The following PARL variants were observed in gnomAD, a reference collection of about 807,000 sequenced individuals.
PARL encodes presenilin associated rhomboid like, also known as presenilin-associated rhomboid-like protein, mitochondrial.
A neutral mutation model predicts 51.6 loss-of-function variants in PARL; 44 were observed. The ratio of observed to expected loss-of-function variants is 0.85; its 90% CI spans 0.67 to 1.10. The LOEUF is 1.10. Among genes scored for constraint, PARL ranks in the 50% least tolerant of loss-of-function variants. The pLI, the probability that PARL is intolerant of heterozygous loss-of-function variation, is 0.00. For synonymous variants in PARL, 172 were observed against 164.0 expected, an observed-to-expected ratio of 1.05 and a Z score of -0.37; for missense variants, 441 against 469.5, an observed-to-expected ratio of 0.94 and a Z score of 0.56.
chr3:183,836,080 G>A (rs1728538711), intron 7 of PARL, among the ~76,000 whole-genome samples: 1 of 151,912 alleles, frequency 6.6e-6, no homozygotes, highest in South Asian at 2.1e-4. Context: ...AGCTGGGCAT[G>A]GTCGTGCATG....
intron 1 of PARL, among the ~76,000 whole-genome samples, chr3:183,876,633 A>AG (rs1432475964): frequency 4.1e-5 from 4 of 97,304 alleles, no homozygotes; most frequent in East Asian, 2.8e-4. Flanking sequence ...AAAAAAAAAA[A>AG]AAAAAGAAAA....
chr3:183,846,717 A>G, intron 4 of PARL: 1 of 576,522 alleles, frequency 1.7e-6, no homozygotes, highest in Non-Finnish European at 2.2e-6. Flanking sequence ...CATTAGTAAC[A>G]GACACATCCC....
intron 2 of PARL, among the ~76,000 whole-genome samples, chr3:183,867,341 C>A (rs544451829): frequency 6.6e-6 from 1 of 152,068 alleles, no homozygotes; most frequent in African/African-American, 2.4e-5. Context: ...CCAAACAAGG[C>A]CCATATGTTT....
chr3:183,845,161 C>T (rs1229395679), intron 4 of PARL, among the ~76,000 whole-genome samples: 10 of 152,136 alleles, frequency 6.6e-5, no homozygotes, highest in Non-Finnish European at 1.5e-4. Flanking sequence ...TTCTTCGATG[C>T]CAATAAGGAC....
At chr3:183,858,867 G>A (rs934148617) in intron 4 of PARL, among the ~76,000 whole-genome samples, 8 of 151,704 alleles carry the variant, frequency 5.3e-5, no homozygotes, top group Non-Finnish European at 7.4e-5. Flanking sequence ...AGAGCAATAT[G>A]AAGCCTGGGG....
At chr3:183,839,565 T>G (rs956954673) in intron 7 of PARL, among the ~76,000 whole-genome samples, 1 of 151,810 alleles carries the variant, frequency 6.6e-6, no homozygotes, top group Non-Finnish European at 1.5e-5. Flanking sequence ...ATTACAAGCA[T>G]GCACAACCAC....
chr3:183,862,886 T>C, intron 3 of PARL, 85 bp from the exon 4 acceptor site: 1 of 1,016,606 alleles, frequency 9.8e-7, no homozygotes, highest in Non-Finnish European at 1.6e-6. Flanking sequence ...GCCTCGCACA[T>C]AAGAGGAATT....
At chr3:183,840,235 A>G (rs1175302671) in intron 7 of PARL, among the ~76,000 whole-genome samples, 1 of 152,232 alleles carries the variant, frequency 6.6e-6, no homozygotes, top group Non-Finnish European at 1.5e-5. Flanking sequence ...ATTCAAATCT[A>G]TAATTAGAAT....
chr3:183,859,960 A>T (rs192176676), intron 4 of PARL, among the ~76,000 whole-genome samples: 13 of 152,232 alleles, frequency 8.5e-5, no homozygotes, highest in Admixed American at 8.5e-4. Context: ...GCCATTGTCT[A>T]GGTATGAATA....
chr3:183,864,323 C>T (rs11716080), intron 3 of PARL, among the ~76,000 whole-genome samples: 6,656 of 152,142 alleles, frequency 0.044, 173 homozygotes, highest in Middle Eastern at 0.082. Context: ...CAGGATCACA[C>T]TGTTCCAAGG....
chr3:183,870,780 C>G (rs1733097350), intron 1 of PARL, among the ~76,000 whole-genome samples: 1 of 152,166 alleles, frequency 6.6e-6, no homozygotes, highest in Non-Finnish European at 1.5e-5. Flanking sequence ...CAAATCCTCT[C>G]TATACCTGTT....
intron 7 of PARL, among the ~76,000 whole-genome samples, chr3:183,840,324 CAT>C (rs1273938918): frequency 6.6e-6 from 1 of 152,096 alleles, no homozygotes; most frequent in South Asian, 2.1e-4. Flanking sequence ...CTCTGGTAAA[CAT>C]ATATATATGA....
chr3:183,862,464 T>G, intron 4 of PARL: 1 of 362,688 alleles, frequency 2.8e-6, no homozygotes, highest in Non-Finnish European at 5.1e-6. Flanking sequence ...ATTAGTTTCT[T>G]TAATAAGGGA....
chr3:183,860,173 C>T (rs1669461390), intron 4 of PARL, among the ~76,000 whole-genome samples: 1 of 152,182 alleles, frequency 6.6e-6, no homozygotes, highest in Non-Finnish European at 1.5e-5. Flanking sequence ...GAGCCAACTT[C>T]ACTTTGCAGT....
chr3:183,834,886 CA>C lies in PARL; in HGVS notation c.829-1062del, dbSNP rs60078452. ...TAAAACCCCGTCTCTACTAAAAATA[CA>C]AAAAAAAAAAAAAAAAAAAAAATTA... On this transcript the variant is annotated intron_variant, in intron 7 of 9. Transcript: ENST00000317096. Among the ~76,000 whole-genome samples the C allele has an allele frequency of 9.5e-3, 1,034 of 108,604 alleles. 9 individuals carry two copies. Among genetic ancestry groups the C allele is most frequent in the African/African-American group, 0.037 (956 of 25,776 alleles). 71.2% of individuals were successfully genotyped at this position (108,604 alleles called of 152,430 possible).
chr3:183,832,917 G>C (rs895321210), intron 9 of PARL, among the ~76,000 whole-genome samples: 1 of 152,200 alleles, frequency 6.6e-6, no homozygotes, highest in Non-Finnish European at 1.5e-5. Flanking sequence ...GGAAGATGAT[G>C]TCTGAGCCTC....
At chr3:183,855,292 T>C (rs1339976977) in intron 4 of PARL, among the ~76,000 whole-genome samples, 1 of 152,194 alleles carries the variant, frequency 6.6e-6, no homozygotes, top group African/African-American at 2.4e-5. Context: ...TGGCTTTCTA[T>C]TTTTATTTAT....
At chr3:183,872,063 G>A (rs142034818) in intron 1 of PARL, among the ~76,000 whole-genome samples, 7,465 of 148,972 alleles carry the variant, frequency 0.05, 656 homozygotes, top group African/African-American at 0.18. Flanking sequence ...ATGCAATGGC[G>A]TGATCTCAGC....
chr3:183,834,886 C>CAA (rs60078452), intron 7 of PARL, among the ~76,000 whole-genome samples: 2,856 of 108,504 alleles, frequency 0.026, 127 homozygotes, highest in African/African-American at 0.1. Flanking sequence ...ACTAAAAATA[C>CAA]AAAAAAAAAA....
Sources: allele counts gnomAD v4.1 joint callset (sites outside exome capture counted in the v4.1 genomes callset), GRCh38; gene constraint gnomAD v4.1.1; transcripts MANE v1.5; gene names NCBI Gene and HGNC (gene_info 2026-07-23, HGNC 2026-07-21).